LRP1B: variants seen among roughly 807,000 people sequenced by gnomAD.
LRP1B encodes the protein low-density lipoprotein receptor-related protein 1B.
LRP1B carries 217 observed loss-of-function variants against 556.6 expected under a neutral mutation model. The ratio of observed to expected loss-of-function variants is 0.39; its 90% confidence interval spans 0.35 to 0.44. The LOEUF (loss-of-function observed/expected upper bound fraction) is 0.44, where lower values mean the gene tolerates loss of function less well. LRP1B is among the 20% of genes least tolerant of loss of function. The pLI, the probability that LRP1B is intolerant of heterozygous loss-of-function variation, is 1.00. For synonymous variants in LRP1B, 2,047 were observed against 1,865.8 expected (o/e 1.10, Z -2.50); for missense variants, 5,053 against 5,620.8 (o/e 0.90, Z 3.23).
chr2:141,627,431 G>C (rs1688740439), intron 2 of LRP1B, among the ~76,000 whole-genome samples: 1 of 152,182 alleles, frequency 6.6e-6, no homozygotes, highest in African/African-American at 2.4e-5. Context: ...CCTGGCAGTA[G>C]ACTAGTACTC....
chr2:140,435,905 C>A (rs183285893), intron 66 of LRP1B, among the ~76,000 whole-genome samples: 1 of 151,926 alleles, frequency 6.6e-6, no homozygotes, highest in African/African-American at 2.4e-5. Context: ...TCTATTGGAA[C>A]CAAAACATTT....
chr2:141,972,293 A>C (rs1358198030), intron 1 of LRP1B, among the ~76,000 whole-genome samples: 1 of 151,602 alleles, frequency 6.6e-6, no homozygotes, highest in Non-Finnish European at 1.5e-5. Flanking sequence ...TTGAGTATAC[A>C]AATATTTAAC....
chr2:141,691,283 G>T (rs907239250), intron 2 of LRP1B, among the ~76,000 whole-genome samples: 2 of 151,798 alleles, frequency 1.3e-5, no homozygotes, highest in Non-Finnish European at 2.9e-5. Flanking sequence ...TTTCTATAAT[G>T]AATATTCAGT....
chr2:141,821,474 G>A (rs1266545830), intron 1 of LRP1B, among the ~76,000 whole-genome samples: 3 of 152,078 alleles, frequency 2.0e-5, no homozygotes, highest in Non-Finnish European at 4.4e-5. Flanking sequence ...CCAATACACT[G>A]GCACAGGATG....
intron 1 of LRP1B, among the ~76,000 whole-genome samples, chr2:141,899,247 T>G (rs1699546230): frequency 6.6e-6 from 1 of 152,152 alleles, no homozygotes; most frequent in African/African-American, 2.4e-5. Flanking sequence ...ATCTGCTAGT[T>G]AAATCACAGC....
At chr2:140,400,786 A>G (rs1324114841) in intron 66 of LRP1B, among the ~76,000 whole-genome samples, 3 of 125,812 alleles carry the variant, frequency 2.4e-5, no homozygotes, top group Non-Finnish European at 5.3e-5. Flanking sequence ...GAGGCAGGTA[A>G]AAAAAACTCT....
At chr2:140,985,455 A>T (rs1288340428) in intron 17 of LRP1B, among the ~76,000 whole-genome samples, 1 of 151,384 alleles carries the variant, frequency 6.6e-6, no homozygotes, top group East Asian at 1.9e-4. Flanking sequence ...GGTGGGGAGA[A>T]ATGTTGATAT....
intron 2 of LRP1B, among the ~76,000 whole-genome samples, chr2:141,579,448 C>T (rs1686879058): frequency 6.6e-6 from 1 of 151,954 alleles, no homozygotes; most frequent in South Asian, 2.1e-4. Context: ...AAGAAGAAAG[C>T]CCAGAGAAGT....
intron 85 of LRP1B, among the ~76,000 whole-genome samples, chr2:140,271,526 G>A (rs1682461694): frequency 6.6e-6 from 1 of 151,970 alleles, no homozygotes; most frequent in Non-Finnish European, 1.5e-5. Flanking sequence ...TTGACCTCAT[G>A]TGGGTTGTGT....
Position 141,115,844 on chromosome 2 carries a change from CTA to C in LRP1B, c.1014-53573_1014-53572del, listed in dbSNP as rs1700885192. On this transcript the variant is annotated intron_variant, in intron 7 of 90. Coordinates refer to ENST00000389484, the MANE Select transcript of LRP1B (RefSeq NM_018557.3). Reference sequence around the variant, plus strand: ...GGAAGGCTTATGAGCCAGAAAAAAACTAAAGAATTTTCATTTTGCTTTCACAC... The same window carrying C: ...GGAAGGCTTATGAGCCAGAAAAAAACAAGAATTTTCATTTTGCTTTCACAC... Among the ~76,000 whole-genome samples the C allele has an allele frequency of 3.9e-5, 6 of 152,060 alleles. No individual in the cohort carries two copies. In the South Asian group the frequency reaches 1.2e-3, roughly 32 times the overall value.
At position 141,887,530 on chromosome 2, in the gene LRP1B, GTCTT is replaced by G. The variant is rs557572708; in HGVS notation, c.83-77133_83-77130del. On this transcript the variant is annotated intron_variant, in intron 1 of 90. Coordinates refer to ENST00000389484, the MANE Select transcript of LRP1B (RefSeq NM_018557.3). ...ATTTATCATTTTTTGAAAAAAATGAGTCTTTCAGATGCCAGGAACACACATGTAT... is the reference window on the plus strand; with the variant it reads ...ATTTATCATTTTTTGAAAAAAATGAGTCAGATGCCAGGAACACACATGTAT... Among the ~76,000 whole-genome samples, 486 of 152,210 alleles carry G rather than the reference GTCTT, an allele frequency of 3.2e-3. 2 individuals are homozygous for G. The highest frequency in any genetic ancestry group is 0.011 in the African/African-American group (472 of 41,532).
chr2:141,020,693 T>G (rs937436401), intron 11 of LRP1B, among the ~76,000 whole-genome samples: 2 of 152,020 alleles, frequency 1.3e-5, no homozygotes, highest in Non-Finnish European at 2.9e-5. Flanking sequence ...GTTTTAGACT[T>G]ACCTTGCAAA....
rs1457380873 is a variant in LRP1B, at chr2:141,393,129, G to A, written c.343+87267C>T. Among the ~76,000 whole-genome samples the A allele has an allele frequency of 3.9e-5, 6 of 152,138 alleles. 1 individual carries two copies. Among genetic ancestry groups the A allele is most frequent in the Admixed American group, 2.0e-4 (3 of 15,264 alleles). ...CAAGATTATATTGGGCAGAAGCTGT[G>A]AGGTCAGTAAGATCCTTAAAACAAA... On this transcript the variant is annotated intron_variant, in intron 3 of 90. Coordinates refer to ENST00000389484, the MANE Select transcript of LRP1B (RefSeq NM_018557.3).
chr2:140,447,539 C>G (rs1686714134), intron 63 of LRP1B, among the ~76,000 whole-genome samples: 1 of 152,064 alleles, frequency 6.6e-6, no homozygotes, highest in South Asian at 2.1e-4. Context: ...TAGGCTTTGG[C>G]TTAAGGAACT....
chr2:141,017,414 ATGTT>A (rs1697933531), intron 12 of LRP1B, among the ~76,000 whole-genome samples: 1 of 97,390 alleles, frequency 1.0e-5, no homozygotes, highest in African/African-American at 3.4e-5. Flanking sequence ...TCATGGCAAC[ATGTT>A]TTTTTTTTCT....
intron 1 of LRP1B, among the ~76,000 whole-genome samples, chr2:141,960,873 G>T (rs919858101): frequency 6.6e-6 from 1 of 151,560 alleles, no homozygotes; most frequent in Non-Finnish European, 1.5e-5. Context: ...TATTTTAAAA[G>T]CATAATATCT....
chr2:141,297,313 C>T (rs1223639775), intron 3 of LRP1B, among the ~76,000 whole-genome samples: 1 of 152,114 alleles, frequency 6.6e-6, no homozygotes, highest in Non-Finnish European at 1.5e-5. Flanking sequence ...CTAATAGATG[C>T]TGGCGAGACT....
At chr2:140,330,705 A>C (rs540470751) in intron 79 of LRP1B, among the ~76,000 whole-genome samples, 4 of 152,104 alleles carry the variant, frequency 2.6e-5, no homozygotes, top group African/African-American at 9.7e-5. Flanking sequence ...ATTGTTAACA[A>C]GAAAAAATTG....
chr2:140,951,766 T>C (rs1695721126), intron 19 of LRP1B, 94 bp downstream of exon 19: 1 of 923,626 alleles, frequency 1.1e-6, no homozygotes, highest in Non-Finnish European at 1.7e-6. Context: ...CTCTGCAAGA[T>C]TCCCCTACAA....
Sources: allele counts gnomAD v4.1 joint callset (sites outside exome capture counted in the v4.1 genomes callset), GRCh38; gene constraint gnomAD v4.1.1; transcripts MANE v1.5; gene names NCBI Gene and HGNC (gene_info 2026-07-23, HGNC 2026-07-21).